Variants in GNPDA2 observed in about 807,000 individuals in gnomAD.
GNPDA2 encodes glcN6P deaminase 2.
Under a neutral mutation model 27.0 loss-of-function variants are expected in GNPDA2, and 24 were observed. The observed-to-expected ratio is 0.89, with a 90% CI of 0.64 to 1.25. The LOEUF is 1.25. Among genes scored for constraint, GNPDA2 ranks in the 50% most tolerant of loss-of-function variants. GNPDA2 has a pLI of 0.00. For synonymous variants in GNPDA2, 94 were observed against 108.4 expected, an observed-to-expected ratio of 0.87 and a Z score of 0.83; for missense variants, 286 against 335.1, an observed-to-expected ratio of 0.85 and a Z score of 1.14.
At chr4:44,721,748 T>C (rs1043974950) in intron 2 of GNPDA2, among the ~76,000 whole-genome samples, 2 of 151,982 alleles carry the variant, frequency 1.3e-5, no homozygotes, top group Non-Finnish European at 2.9e-5. Flanking sequence ...AGAAAGCCAA[T>C]CAACTAAAAA....
At chr4:44,725,815 C>T (rs1160558646) in intron 1 of GNPDA2, among the ~76,000 whole-genome samples, 2 of 152,242 alleles carry the variant, frequency 1.3e-5, no homozygotes, top group African/African-American at 4.8e-5. Flanking sequence ...CCCTCGTCTT[C>T]CTTCAGGTGC....
chr4:44,710,051 G>A (rs1410133019), intron 5 of GNPDA2, among the ~76,000 whole-genome samples: 2 of 152,102 alleles, frequency 1.3e-5, no homozygotes, highest in African/African-American at 4.8e-5. Flanking sequence ...CTTGTTAAAT[G>A]TAATCTATTA....
intron 5 of GNPDA2, among the ~76,000 whole-genome samples, chr4:44,709,065 A>G (rs891933210): frequency 6.6e-6 from 1 of 152,288 alleles, no homozygotes. Flanking sequence ...CAATTAGACA[A>G]TATGAGCTAA....
At chr4:44,720,153 G>A (rs565095196) in intron 2 of GNPDA2, among the ~76,000 whole-genome samples, 1 of 152,218 alleles carries the variant, frequency 6.6e-6, no homozygotes, top group South Asian at 2.1e-4. Flanking sequence ...GAGGTTCAAC[G>A]ATGACATCTG....
At chr4:44,707,377 G>C in intron 6 of GNPDA2, 1 of 257,032 alleles carries the variant, frequency 3.9e-6, no homozygotes, top group Non-Finnish European at 7.3e-6. Flanking sequence ...AAGGTTAGAG[G>C]GGAGTGAGGA....
rs913666874 is a variant in GNPDA2, at chr4:44,704,217, T to G, written c.770-1075A>C. 14 of 984,530 alleles carry G rather than the reference T, an allele frequency of 1.4e-5. No homozygotes were observed. The African/African-American group carries it at 2.4e-4, about 17-fold the overall frequency. The allele number at this position is 984,530 out of a possible 1,614,324, so 61.0% of individuals were successfully genotyped here. A position where few individuals can be genotyped will look rare whatever the true frequency, so the allele number is the denominator to read the frequency against. On this transcript the variant is annotated intron_variant, in intron 6 of 6. Coordinates refer to ENST00000295448, the MANE Select transcript of GNPDA2 (RefSeq NM_138335.3). ...AAGGGGGAAGCATTCCATTCACTAG[T>G]CCTGCAACTGCTCAACAGCCTACTT...
At chr4:44,709,149 A>G (rs565430531) in intron 5 of GNPDA2, among the ~76,000 whole-genome samples, 1 of 152,254 alleles carries the variant, frequency 6.6e-6, no homozygotes, top group South Asian at 2.1e-4. Context: ...CATGAAGTAT[A>G]TATACTGAGG....
Position 44,718,382 on chromosome 4 carries a change from T to C in GNPDA2, c.153A>G (p.Lys51=), listed in dbSNP as rs757463292. Residue 51 remains lysine (K), a synonymous_variant, in exon 3 of 7, where the codon AAA becomes AAG. Coordinates refer to ENST00000295448, the MANE Select transcript of GNPDA2 (RefSeq NM_138335.3). ...TGSTPLGCYK[K]LIEYHKNGHL... ...GTCCATTCTTATGATATTCTATTAG[T>C]TTTTTATAGCATCCTAAAGGTGTAC... The C allele has an allele frequency of 7.3e-7, 1 of 1,367,528 alleles. No homozygotes were observed. The highest frequency in any genetic ancestry group is 2.3e-5 in the Admixed American group (1 of 43,502). 84.7% of individuals were successfully genotyped at this position (1,367,528 alleles called of 1,614,324 possible). A position where few individuals can be genotyped will look rare whatever the true frequency, so the allele number is the denominator to read the frequency against.
intron 1 of GNPDA2, among the ~76,000 whole-genome samples, chr4:44,724,746 G>GT (rs1717907412): frequency 6.6e-6 from 1 of 152,054 alleles, no homozygotes; most frequent in African/African-American, 2.4e-5. Context: ...CTTTAAGAAG[G>GT]TAACAGTTTC....
intron 4 of GNPDA2, chr4:44,714,750 C>T (rs1360707514): frequency 1.2e-5 from 9 of 746,756 alleles, no homozygotes. Flanking sequence ...AAATGAGATT[C>T]TTTCATGAAT....
intron 1 of GNPDA2, among the ~76,000 whole-genome samples, chr4:44,723,029 T>C (rs1228329708): frequency 6.6e-6 from 1 of 152,178 alleles, no homozygotes; most frequent in African/African-American, 2.4e-5. Flanking sequence ...TGCTCATCTC[T>C]GGAGGAGAAA....
In GNPDA2 at chr4:44,707,820, C is replaced by T. The variant is rs751492226; in HGVS notation, c.701G>A (p.Arg234Gln). 3.1e-6 allele frequency: 5 copies of T among 1,613,238 alleles called. No individual in the cohort carries two copies. Among genetic ancestry groups the T allele is most frequent in the East Asian group, 4.5e-5 (2 of 44,848 alleles). The part of the protein sequence containing the change: ...WTVSAFQQHP[R>Q]TIFVCDEDAT... The stretch of plus-strand genomic sequence containing the variant: ...ATCTTCATCGCATACAAAAATAGTC[C>T]GGGGATGCTGCTGGAAAGCGGAAAC... The change falls in exon 6 of 7, where the codon CGG (arginine) becomes CAG (glutamine). Residue 234 changes from arginine to glutamine, a missense_variant. By Grantham distance (43) the Arg-to-Gln change is conservative. Coordinates refer to ENST00000295448, the MANE Select transcript of GNPDA2 (RefSeq NM_138335.3).
intron 6 of GNPDA2, chr4:44,706,247 A>G (rs533365980): frequency 1.3e-5 from 2 of 151,866 alleles, no homozygotes; most frequent in African/African-American, 4.8e-5. Context: ...TCAGTTTGAT[A>G]TATTTGTGGC....
chr4:44,712,632 A>C (rs1035135099), intron 4 of GNPDA2, among the ~76,000 whole-genome samples: 1 of 152,066 alleles, frequency 6.6e-6, no homozygotes. Flanking sequence ...ATTTCTCTAT[A>C]TATGTGTAGA....
intron 5 of GNPDA2, among the ~76,000 whole-genome samples, chr4:44,709,634 A>C (rs181774639): frequency 1.1e-4 from 17 of 152,284 alleles, no homozygotes; most frequent in African/African-American, 3.4e-4. Flanking sequence ...TTTAAAGAAT[A>C]ATCAACATTT....
Position 44,703,133 on chromosome 4 carries a change from T to A in GNPDA2, c.779A>T (p.His260Leu). 6.2e-7 allele frequency: 1 copy of A among 1,611,222 alleles called. No homozygotes were observed. The change falls in exon 7 of 7, where the codon CAT (histidine) becomes CTT (leucine). Residue 260 changes from histidine (H) to leucine (L), a missense_variant. By Grantham distance (99) the His-to-Leu change is moderately conservative (BLOSUM62 -3). Coordinates refer to ENST00000295448, the MANE Select transcript of GNPDA2 (RefSeq NM_138335.3). ...TGGATCCACAAGTTTATTGTGCACA[T>A]GCATTAGACCTTAAAGAAAAAAAGC... is the stretch of plus-strand genomic sequence containing the variant. ...KTVKYFKGLM[H>L]VHNKLVDPLF...
chr4:44,714,771 T>C (rs1431161614), intron 4 of GNPDA2: 1 of 483,612 alleles, frequency 2.1e-6, no homozygotes, highest in African/African-American at 2.1e-5. Context: ...ACATATCCAA[T>C]AATAGGGCAT....
At position 44,703,987 on chromosome 4, in the gene GNPDA2, C is replaced by T. The variant is rs1002026411; in HGVS notation, c.770-845G>A. Reference sequence around the variant, plus strand: ...GGAGGGTGGGGAAAGGCACTTAATGCGGTTTTGCAGGAAATGGGATTACTG... The same window carrying T: ...GGAGGGTGGGGAAAGGCACTTAATGTGGTTTTGCAGGAAATGGGATTACTG... On this transcript the variant is annotated intron_variant, in intron 6 of 6. Transcript: ENST00000295448. The T allele has an allele frequency of 1.2e-5, 12 of 984,834 alleles. No individual in the cohort carries two copies. In the South Asian group the frequency reaches 4.2e-4, roughly 35 times the overall value. The allele number at this position is 984,834 out of a possible 1,614,324, so 61.0% of individuals were successfully genotyped here. A position where few individuals can be genotyped will look rare whatever the true frequency, so the allele number is the denominator to read the frequency against.
At chr4:44,715,041 ATATAAT>A (rs1288462630) in intron 4 of GNPDA2, among the ~76,000 whole-genome samples, 2 of 152,182 alleles carry the variant, frequency 1.3e-5, no homozygotes, top group African/African-American at 4.8e-5. Flanking sequence ...TGATAAACAT[ATATAAT>A]TATAACTTAT....
Sources: allele counts gnomAD v4.1 joint callset (sites outside exome capture counted in the v4.1 genomes callset), GRCh38; gene constraint gnomAD v4.1.1; transcripts MANE v1.5; gene names NCBI Gene and HGNC (gene_info 2026-07-23, HGNC 2026-07-21).